Variants in SKIC3 observed in about 807,000 individuals in gnomAD.
SKIC3 encodes superkiller complex protein 3.
the SKIC3 span, among the ~76,000 whole-genome samples, chr5:95,521,899 T>G: frequency 6.6e-6 from 1 of 152,102 alleles, no homozygotes; most frequent in Non-Finnish European, 1.5e-5. Flanking sequence ...ATATTCAAAT[T>G]TATATAAGCT....
chr5:95,481,842 T>C, the SKIC3 span, among the ~76,000 whole-genome samples: 2 of 152,296 alleles, frequency 1.3e-5, no homozygotes, highest in East Asian at 1.9e-4. Flanking sequence ...AAACAAATTA[T>C]AGTAAGATAA....
chr5:95,502,440 AAC>A, the SKIC3 span, among the ~76,000 whole-genome samples: 1 of 152,192 alleles, frequency 6.6e-6, no homozygotes, highest in Admixed American at 6.5e-5. Flanking sequence ...CTACTCCAAA[AAC>A]ACAGAAATAG....
At chr5:95,515,915 A>G in the SKIC3 span, among the ~76,000 whole-genome samples, 1 of 152,158 alleles carries the variant, frequency 6.6e-6, no homozygotes, top group Non-Finnish European at 1.5e-5. Flanking sequence ...TTGCTATTTA[A>G]AGAGATTAAT....
the SKIC3 span, chr5:95,515,115 T>A: frequency 1.9e-6 from 1 of 534,080 alleles, no homozygotes; most frequent in Admixed American, 3.1e-5. Context: ...CACTCCTGGG[T>A]GCAACAGATT....
At chr5:95,547,865 C>A in the SKIC3 span, among the ~76,000 whole-genome samples, 1 of 151,938 alleles carries the variant, frequency 6.6e-6, no homozygotes, top group Non-Finnish European at 1.5e-5. Flanking sequence ...AAACATAAAT[C>A]AAGATATTAA....
the SKIC3 span, chr5:95,542,016 A>G: frequency 2.7e-6 from 2 of 742,434 alleles, no homozygotes; most frequent in South Asian, 1.7e-5. Context: ...TTTCTGAAAA[A>G]GGATTATTAT....
At chr5:95,536,403 G>A in the SKIC3 span, 1 of 229,610 alleles carries the variant, frequency 4.4e-6, no homozygotes, top group Non-Finnish European at 8.6e-6. Flanking sequence ...GACCTATTTA[G>A]CCAAAATATA....
the SKIC3 span, among the ~76,000 whole-genome samples, chr5:95,485,228 T>C: frequency 6.6e-6 from 1 of 152,180 alleles, no homozygotes; most frequent in Non-Finnish European, 1.5e-5. Flanking sequence ...ATAATGAACA[T>C]ATTCAGCATT....
the SKIC3 span, among the ~76,000 whole-genome samples, chr5:95,465,394 T>C: frequency 6.6e-6 from 1 of 152,216 alleles, no homozygotes; most frequent in Non-Finnish European, 1.5e-5. Flanking sequence ...ATCTAGGCTA[T>C]AGGTTCTAGG....
the SKIC3 span, chr5:95,529,978 T>C: frequency 7.3e-7 from 1 of 1,364,324 alleles, no homozygotes; most frequent in Non-Finnish European, 1.0e-6. Flanking sequence ...CAGGTACATT[T>C]TTTCCCTTCC....
the SKIC3 span, chr5:95,520,613 T>C: frequency 2.8e-5 from 24 of 869,156 alleles, no homozygotes; most frequent in Non-Finnish European, 4.3e-5. Flanking sequence ...TTTGACATTC[T>C]GAGCAATTGC....
the SKIC3 span, among the ~76,000 whole-genome samples, chr5:95,542,276 G>A: frequency 6.6e-6 from 1 of 151,952 alleles, no homozygotes; most frequent in African/African-American, 2.4e-5. Context: ...GTGATCTAAA[G>A]TATTTTATTG....
the SKIC3 span, among the ~76,000 whole-genome samples, chr5:95,470,977 AGTC>A: frequency 6.6e-6 from 1 of 152,216 alleles, no homozygotes; most frequent in Non-Finnish European, 1.5e-5. Context: ...ATTTTAATAA[AGTC>A]AATATAGTGA....
the SKIC3 span, chr5:95,512,832 T>C: frequency 5.5e-6 from 3 of 543,332 alleles, no homozygotes; most frequent in East Asian, 3.5e-5. Context: ...ACGAGAAGAA[T>C]CAAACGGGAT....
At chr5:95,497,166 T>C in the SKIC3 span, among the ~76,000 whole-genome samples, 3 of 152,218 alleles carry the variant, frequency 2.0e-5, no homozygotes, top group African/African-American at 4.8e-5. Context: ...GAGATCTTCA[T>C]ACTTCTTTGT....
chr5:95,484,812 T>G, the SKIC3 span: 9 of 1,614,020 alleles, frequency 5.6e-6, no homozygotes, highest in Non-Finnish European at 7.6e-6. Flanking sequence ...TTCAAGGGAC[T>G]GGTTGTAATT....
chr5:95,498,189 T>A, the SKIC3 span, among the ~76,000 whole-genome samples: 1 of 152,106 alleles, frequency 6.6e-6, no homozygotes, highest in Non-Finnish European at 1.5e-5. Context: ...AAAAACACAA[T>A]CCTTATAGGT....
chr5:95,551,213 C>T, the SKIC3 span, among the ~76,000 whole-genome samples: 11 of 152,214 alleles, frequency 7.2e-5, no homozygotes, highest in African/African-American at 2.4e-4. Context: ...CACAACTACA[C>T]ATCTACAAAT....
the SKIC3 span, chr5:95,541,207 C>T: frequency 9.0e-7 from 1 of 1,105,518 alleles, no homozygotes; most frequent in Non-Finnish European, 1.4e-6. Context: ...CTCAGGTGAT[C>T]TGCCTGCCTC....
Sources: allele counts gnomAD v4.1 joint callset (sites outside exome capture counted in the v4.1 genomes callset), GRCh38; gene constraint gnomAD v4.1.1; transcripts MANE v1.5; gene names NCBI Gene and HGNC (gene_info 2026-07-23, HGNC 2026-07-21).